Variants in NAPG observed in about 807,000 individuals in gnomAD.
NAPG encodes the protein gamma-soluble NSF attachment protein.
NAPG carries 25 observed loss-of-function variants against 48.4 expected under a neutral mutation model. The ratio of observed to expected loss-of-function variants is 0.52; its 90% CI spans 0.38 to 0.72. NAPG has a LOEUF of 0.72. NAPG is among the 30% of genes least tolerant of loss of function. The pLI is 0.00. For missense variants in NAPG, 359 were observed against 372.5 expected, an observed-to-expected ratio of 0.96 and a Z score of 0.30; for synonymous variants, 139 against 127.2, an observed-to-expected ratio of 1.09 and a Z score of -0.62.
intron 8 of NAPG, among the ~76,000 whole-genome samples, chr18:10,545,476 C>A (rs1487909802): frequency 6.6e-6 from 1 of 152,182 alleles, no homozygotes; most frequent in Non-Finnish European, 1.5e-5. Context: ...ATGCCCAGAC[C>A]CTGGTAGTTT....
At position 10,548,329 on chromosome 18, in the gene NAPG, C is replaced by T. The variant is rs777221253; in HGVS notation, c.616C>T (p.His206Tyr). ...AATTGCTCAAGTCTTAGTTCATCTA[C>T]ACAGAAATGACTATGTAGCTGCAGA... Reference protein sequence around the residue: ...KTIAQVLVHLHRNDYVAAERC... With the variant: ...KTIAQVLVHLYRNDYVAAERC... Residue 206 changes from histidine (H) to tyrosine (Y), a missense_variant, in exon 10 of 12, where the codon CAC becomes TAC. His to Tyr is a moderately conservative substitution (Grantham distance 83). Coordinates refer to ENST00000322897, the MANE Select transcript of NAPG (RefSeq NM_003826.3). This position sits in a 1 kb window ranked among gnomAD's most constrained non-coding sequence, Gnocchi z 4.4. 6 of 1,613,740 alleles carry T rather than the reference C, an allele frequency of 3.7e-6. No homozygotes were observed. Among genetic ancestry groups the T allele is most frequent in the South Asian group, 1.1e-5 (1 of 91,070 alleles).
rs1370475078 is a variant in NAPG, at chr18:10,530,904, C to G, written c.124+67C>G. 4.1e-6 allele frequency: 5 copies of G among 1,204,936 alleles called. No homozygotes were observed. In the East Asian group the frequency reaches 1.4e-4, roughly 33 times the overall value. The allele number at this position is 1,204,936 out of a possible 1,614,324, so 74.6% of individuals were successfully genotyped here. On this transcript the variant is annotated intron_variant, in intron 2 of 11. Transcript: ENST00000322897. ...AAAATAGTCTGATAACTTCATTTCACCATAATACTTACTCATATGCTTTCT... is the reference window on the plus strand; with the variant it reads ...AAAATAGTCTGATAACTTCATTTCAGCATAATACTTACTCATATGCTTTCT...
intron 11 of NAPG, among the ~76,000 whole-genome samples, chr18:10,549,508 G>A (rs2032342033): frequency 6.6e-6 from 1 of 152,166 alleles, no homozygotes; most frequent in African/African-American, 2.4e-5. Context: ...TGTGTTGCAG[G>A]TCATTAATTA....
chr18:10,538,835 G>GT (rs375389675), intron 5 of NAPG, among the ~76,000 whole-genome samples: 23 of 149,072 alleles, frequency 1.5e-4, no homozygotes, highest in Admixed American at 4.0e-4. Context: ...TTTTGATTGG[G>GT]TTTTTTTTTT....
In NAPG at chr18:10,530,815, C is replaced by A; in HGVS notation, c.102C>A (p.Ala34=). The A allele has an allele frequency of 6.3e-7, 1 of 1,583,040 alleles. No individual in the cohort carries two copies. Among genetic ancestry groups the A allele is most frequent in the Non-Finnish European group, 8.6e-7 (1 of 1,165,462 alleles). Reference sequence around the variant, plus strand: ...AATGGAAGCCAGATTATGACAGTGCCGCTTCTGAATATGGAAAAGCAGGTA... The same window carrying A: ...AATGGAAGCCAGATTATGACAGTGCAGCTTCTGAATATGGAAAAGCAGGTA... ...FLKWKPDYDS[A]ASEYGKAAVA... is the part of the protein sequence containing the mutation. Residue 34 remains alanine, a synonymous_variant, in exon 2 of 12, where the codon GCC becomes GCA. Coordinates refer to ENST00000322897, the MANE Select transcript of NAPG (RefSeq NM_003826.3).
intron 1 of NAPG, among the ~76,000 whole-genome samples, chr18:10,530,438 C>G (rs2031906890): frequency 6.6e-6 from 1 of 151,972 alleles, no homozygotes; most frequent in Non-Finnish European, 1.5e-5. Flanking sequence ...CACCTTTGAG[C>G]TCGTTAAACC....
intron 1 of NAPG, among the ~76,000 whole-genome samples, chr18:10,530,490 A>G (rs1162367515): frequency 6.6e-6 from 1 of 151,746 alleles, no homozygotes; most frequent in Non-Finnish European, 1.5e-5. Context: ...ACAATTTACG[A>G]TTTTAGTAAG....
chr18:10,549,142 AAGAG>A, intron 11 of NAPG, 46 bp downstream of exon 11: 5 of 1,569,586 alleles, frequency 3.2e-6, no homozygotes, highest in Non-Finnish European at 4.3e-6. Context: ...TCTTGAAAGA[AAGAG>A]GTTTCTAGTG....
rs1194025301 is a variant in NAPG at position 10,542,487 on chromosome 18, A to G, written c.506+2088A>G. Among the ~76,000 whole-genome samples, 3 of 152,160 alleles carry G rather than the reference A, an allele frequency of 2.0e-5. No homozygotes were observed. The highest frequency in any genetic ancestry group is 4.4e-5 in the Non-Finnish European group (3 of 68,032). On this transcript the variant is annotated intron_variant, in intron 8 of 11. Coordinates refer to ENST00000322897, the MANE Select transcript of NAPG (RefSeq NM_003826.3). This position sits in a 1 kb window ranked among gnomAD's most constrained non-coding sequence, Gnocchi z 4.5. ...ATAAGAAAAAACATGCAGTGTTTAT[A>G]GTGATGGAGACATTATTGAGATGAT... is the stretch of plus-strand genomic sequence containing the variant.
chr18:10,533,549 G>A lies in NAPG; in HGVS notation c.223G>A (p.Ala75Thr). 3 of 1,596,466 alleles carry A rather than the reference G, an allele frequency of 1.9e-6. No homozygotes were observed. Among genetic ancestry groups the A allele is most frequent in the Non-Finnish European group, 1.7e-6 (2 of 1,172,628 alleles). The change falls in exon 4 of 12, where the codon GCC (alanine) becomes ACC (threonine). Residue 75 changes from alanine to threonine, a missense_variant. By Grantham distance (58) the Ala-to-Thr change is moderately conservative. Coordinates refer to ENST00000322897, the MANE Select transcript of NAPG (RefSeq NM_003826.3). ...ACTTCCATTCAGTCTTTTTCATGCT[G>A]CCAAGTAAGTATTCTTCATGTTTTC... ...HENNRALFHA[A>T]KAYEQAGMML...
intron 8 of NAPG, among the ~76,000 whole-genome samples, chr18:10,545,537 TA>T (rs1027920621): frequency 2.6e-5 from 4 of 152,160 alleles, no homozygotes; most frequent in Non-Finnish European, 5.9e-5. Context: ...CTAAAGACTG[TA>T]CATTTCACTC....
At chr18:10,526,319 C>A (rs1237822868) in intron 1 of NAPG, 161 bp downstream of exon 1, 3 of 686,652 alleles carry the variant, frequency 4.4e-6, no homozygotes, top group Non-Finnish European at 7.3e-6. Context: ...CTCTGGGTCA[C>A]ACTCCCGGGG....
chr18:10,526,072 C>G lies in NAPG; in HGVS notation c.-31C>G. ...CGCCGGAGGAAGAGGCAGGGTCACC[C>G]TCTCTCCACGTCAGAGACCTGACTG... On this transcript the variant is annotated 5_prime_UTR_variant, in exon 1 of 12. Coordinates refer to ENST00000322897, the MANE Select transcript of NAPG (RefSeq NM_003826.3). 17 of 1,609,068 alleles carry G rather than the reference C, an allele frequency of 1.1e-5. No individual in the cohort carries two copies. Among genetic ancestry groups the G allele is most frequent in the Non-Finnish European group, 1.4e-5 (16 of 1,175,694 alleles).
At position 10,539,921 on chromosome 18, in the gene NAPG, T is replaced by C. The variant is rs2032115271; in HGVS notation, c.368+50T>C. ...TGCATAGAAGTCTTGTCTTTTTGTT[T>C]TAAAGAGGTCCCTGAAAAACAAGTT... On this transcript the variant is annotated intron_variant, in intron 6 of 11. Transcript: ENST00000322897. This position sits in a 1 kb window ranked among gnomAD's most constrained non-coding sequence, Gnocchi z 4.7. 3 of 1,609,322 alleles carry C rather than the reference T, an allele frequency of 1.9e-6. No homozygotes were observed. The East Asian group carries it at 6.7e-5, about 36-fold the overall frequency.
chr18:10,538,886 G>A (rs1234222494), intron 5 of NAPG, among the ~76,000 whole-genome samples: 2 of 151,880 alleles, frequency 1.3e-5, no homozygotes, highest in East Asian at 1.9e-4. Context: ...AAGACATACA[G>A]CCAAGAAACA....
In NAPG at chr18:10,544,466, C is replaced by T. The variant is rs749637062; in HGVS notation, c.507-1860C>T. Among the ~76,000 whole-genome samples, 1 of 152,190 alleles carries T rather than the reference C, an allele frequency of 6.6e-6. No individual in the cohort carries two copies. The highest frequency in any genetic ancestry group is 1.5e-5 in the Non-Finnish European group (1 of 68,014). ...GCTGTGTGGAAGAGATTCCTGTTTT[C>T]TTGTTGCCTGTTCGCCAGGAACTGC... On this transcript the variant is annotated intron_variant, in intron 8 of 11. Transcript: ENST00000322897. This position sits in a 1 kb window ranked among gnomAD's most constrained non-coding sequence, Gnocchi z 5.1.
intron 5 of NAPG, among the ~76,000 whole-genome samples, chr18:10,536,953 C>T (rs1169736369): frequency 6.7e-6 from 1 of 149,182 alleles, no homozygotes; most frequent in Non-Finnish European, 1.5e-5. Flanking sequence ...TTACTAATAG[C>T]CTGTTTTTGT....
In NAPG at chr18:10,550,134, C is replaced by T. The variant is rs1238819160; in HGVS notation, c.853C>T (p.Pro285Ser). The T allele has an allele frequency of 3.2e-6, 5 of 1,576,314 alleles. No individual in the cohort carries two copies. Among genetic ancestry groups the T allele is most frequent in the Admixed American group, 3.8e-5 (2 of 53,270 alleles). Residue 285 changes from proline to serine, a missense_variant, in exon 12 of 12, where the codon CCT (proline) becomes TCT (serine). By Grantham distance (74) the Pro-to-Ser change is moderately conservative. Coordinates refer to ENST00000322897, the MANE Select transcript of NAPG (RefSeq NM_003826.3). ...VPGGGIKKKS[P>S]ATPQAKPDGV... ...AGGAGGGGGAATCAAGAAGAAATCA[C>T]CTGCAACACCACAGGCCAAGCCTGA...
At chr18:10,532,959 A>G in intron 3 of NAPG, 164 bp downstream of exon 3, 2 of 614,648 alleles carry the variant, frequency 3.3e-6, no homozygotes, top group East Asian at 2.9e-5. Flanking sequence ...AGCGTTTATA[A>G]TGAAGTTTGA....
Sources: gnomAD v4.1 joint callset for allele counts (sites outside exome capture counted in the v4.1 genomes callset) on GRCh38, gnomAD v4.1.1 for gene constraint, Gnocchi (gnomAD v3.1) non-coding constraint, MANE v1.5 for transcripts, NCBI Gene and HGNC (gene_info 2026-07-23, HGNC 2026-07-21) for gene names.